The following NSUN7 variants were observed in gnomAD, a reference collection of about 807,000 sequenced individuals.
The protein encoded by NSUN7 is NOP2/Sun RNA methyltransferase family member 7, also known as protein NSUN7.
Under a neutral mutation model 58.5 loss-of-function variants are expected in NSUN7, and 39 were observed. The observed-to-expected ratio is 0.67, with a 90% CI of 0.52 to 0.87. The LOEUF (loss-of-function observed/expected upper bound fraction) is 0.87, where lower values mean the gene tolerates loss of function less well. Ranked by LOEUF, NSUN7 falls within the 40% of genes least tolerant of loss-of-function variation. The probability of loss-of-function intolerance (pLI) is 0.00; values close to 1 mark genes in which losing one functional copy is unlikely to be tolerated. For synonymous variants in NSUN7, 278 were observed against 303.7 expected, an observed-to-expected ratio of 0.92 and a Z score of 0.88; for missense variants, 765 against 844.1, an observed-to-expected ratio of 0.91 and a Z score of 1.16.
At position 40,804,268 on chromosome 4, in the gene NSUN7, C is replaced by T. The variant is rs184802591; in HGVS notation, c.1401-2793C>T. On this transcript the variant is annotated intron_variant, in intron 10 of 11. Coordinates refer to ENST00000381782, the MANE Select transcript of NSUN7 (RefSeq NM_024677.6). ...CAGCCTGGCCAATGTGGCAAAACCC[C>T]GTCTCTACTAAAAATAAAAAAATTA... 4.0e-3 allele frequency among the ~76,000 whole-genome samples: 601 copies of T among 151,924 alleles called. 5 individuals carry two copies. The highest frequency in any genetic ancestry group is 0.014 in the African/African-American group (584 of 41,456).
intron 7 of NSUN7, among the ~76,000 whole-genome samples, chr4:40,786,891 C>T (rs541345802): frequency 1.3e-5 from 2 of 152,184 alleles, no homozygotes; most frequent in African/African-American, 4.8e-5. Context: ...TAAGTAAATG[C>T]AGTGCTTCTT....
At chr4:40,756,791 C>T (rs1173247908) in intron 2 of NSUN7, among the ~76,000 whole-genome samples, 1 of 152,210 alleles carries the variant, frequency 6.6e-6, no homozygotes, top group African/African-American at 2.4e-5. Flanking sequence ...ATTATATACA[C>T]AGTCCCCAAT....
At chr4:40,781,906 A>G (rs769963709) in intron 7 of NSUN7, among the ~76,000 whole-genome samples, 6 of 152,258 alleles carry the variant, frequency 3.9e-5, no homozygotes, top group Non-Finnish European at 7.3e-5. Flanking sequence ...ACTGCTAAAA[A>G]TGAAGAGAGG....
In NSUN7 at chr4:40,792,533, C is replaced by T. The variant is rs201071889; in HGVS notation, c.1180+1788C>T. ...TTGGGAGGCCGAGGAGGGCGGATCA[C>T]GAGGTCAGGAGCTCGAGACCATCCT... On this transcript the variant is annotated intron_variant, in intron 8 of 11. Transcript: ENST00000381782. 2.6e-5 allele frequency among the ~76,000 whole-genome samples: 4 copies of T among 151,994 alleles called. No individual in the cohort carries two copies. In the South Asian group the frequency reaches 6.2e-4, roughly 24 times the overall value.
chr4:40,782,761 T>G (rs1742637256), intron 7 of NSUN7, among the ~76,000 whole-genome samples: 2 of 151,744 alleles, frequency 1.3e-5, no homozygotes, highest in South Asian at 2.1e-4. Context: ...CCTAGCTACT[T>G]GGGAGGCTGA....
At chr4:40,789,514 G>C (rs1016630083) in intron 7 of NSUN7, among the ~76,000 whole-genome samples, 2 of 125,580 alleles carry the variant, frequency 1.6e-5, no homozygotes, top group African/African-American at 6.0e-5. Flanking sequence ...TTTAAAAGAA[G>C]ATTTTATCCT....
chr4:40,803,486 G>C (rs897527680), intron 10 of NSUN7, among the ~76,000 whole-genome samples: 1 of 152,090 alleles, frequency 6.6e-6, no homozygotes, highest in Non-Finnish European at 1.5e-5. Flanking sequence ...ATTCTAACTG[G>C]TGTGAGATGG....
chr4:40,785,366 AT>A (rs568552888), intron 7 of NSUN7, among the ~76,000 whole-genome samples: 10 of 148,178 alleles, frequency 6.7e-5, no homozygotes, highest in Non-Finnish European at 9.0e-5. Flanking sequence ...GACATTTTGG[AT>A]TTTTTTTTTG....
At chr4:40,753,232 C>G (rs1740925054) in intron 2 of NSUN7, among the ~76,000 whole-genome samples, 1 of 151,738 alleles carries the variant, frequency 6.6e-6, no homozygotes, top group South Asian at 2.1e-4. Flanking sequence ...TTTGTCCTCT[C>G]CCTCCTATTT....
At chr4:40,807,333 G>A (rs984441442) in intron 11 of NSUN7, 149 bp downstream of exon 11, 5 of 700,354 alleles carry the variant, frequency 7.1e-6, no homozygotes, top group Non-Finnish European at 1.1e-5. Context: ...AACAAGAATT[G>A]GCAAATAAGC....
At chr4:40,779,641 A>G (rs961377690) in intron 7 of NSUN7, among the ~76,000 whole-genome samples, 12 of 152,298 alleles carry the variant, frequency 7.9e-5, no homozygotes, top group Middle Eastern at 3.4e-3. Flanking sequence ...GAGATGCTGA[A>G]AGAAATGAAG....
chr4:40,797,603 A>T (rs1402626653), intron 9 of NSUN7, among the ~76,000 whole-genome samples: 2 of 152,110 alleles, frequency 1.3e-5, no homozygotes, highest in East Asian at 3.9e-4. Flanking sequence ...TCTACATTCA[A>T]CTTATATCCA....
chr4:40,806,025 C>G (rs1322455451), intron 10 of NSUN7, among the ~76,000 whole-genome samples: 1 of 151,800 alleles, frequency 6.6e-6, no homozygotes, highest in Non-Finnish European at 1.5e-5. Flanking sequence ...TTTTTTTGAG[C>G]CAGAATTTCA....
intron 8 of NSUN7, among the ~76,000 whole-genome samples, chr4:40,792,315 A>G (rs1743105675): frequency 6.6e-6 from 1 of 152,178 alleles, no homozygotes; most frequent in Admixed American, 6.5e-5. Context: ...AAAATAAACC[A>G]CAGAATAAAA....
intron 6 of NSUN7, 46 bp from the exon 7 acceptor site, chr4:40,776,003 T>G: frequency 8.1e-7 from 1 of 1,237,234 alleles, no homozygotes; most frequent in Non-Finnish European, 1.1e-6. Context: ...CAGCTTATAT[T>G]TCTAGCCATA....
Position 40,810,567 on chromosome 4 carries a change from G to C in NSUN7, c.*1628G>C, listed in dbSNP as rs1459370531. ...CACTCCAGCCTGGGAAGCAGAGTGA[G>C]ACCTTGCCTCAAAAAAAAAAAAAAA... On this transcript the variant is annotated 3_prime_UTR_variant, in exon 12 of 12. Coordinates refer to ENST00000381782, the MANE Select transcript of NSUN7 (RefSeq NM_024677.6). The C allele has an allele frequency of 5.7e-5, 6 of 105,766 alleles. 1 individual carries two copies. The highest frequency in any genetic ancestry group is 3.1e-4 in the South Asian group (1 of 3,216). 6.6% of individuals were successfully genotyped at this position (105,766 alleles called of 1,614,324 possible). A position where few individuals can be genotyped will look rare whatever the true frequency, so the allele number is the denominator to read the frequency against.
intron 10 of NSUN7, among the ~76,000 whole-genome samples, chr4:40,803,912 A>T (rs573240645): frequency 6.6e-6 from 1 of 152,300 alleles, no homozygotes; most frequent in Non-Finnish European, 1.5e-5. Flanking sequence ...TCCACAAAAA[A>T]TCAGCCAGGT....
At chr4:40,771,188 T>C (rs1741993395) in intron 4 of NSUN7, among the ~76,000 whole-genome samples, 1 of 152,318 alleles carries the variant, frequency 6.6e-6, no homozygotes, top group Admixed American at 6.5e-5. Context: ...AGGGCGGTGA[T>C]GTAGCGATGC....
At chr4:40,792,683 C>T (rs991093369) in intron 8 of NSUN7, among the ~76,000 whole-genome samples, 2 of 151,902 alleles carry the variant, frequency 1.3e-5, no homozygotes, top group South Asian at 2.1e-4. Context: ...CCCCGGGGGG[C>T]GGAGCCTGCA....
Sources: allele counts gnomAD v4.1 joint callset (sites outside exome capture counted in the v4.1 genomes callset), GRCh38; gene constraint gnomAD v4.1.1; transcripts MANE v1.5; gene names NCBI Gene and HGNC (gene_info 2026-07-23, HGNC 2026-07-21).